Variants in PDE4D observed in about 807,000 individuals in gnomAD.
PDE4D encodes the protein phosphodiesterase 4D.
PDE4D carries 24 observed loss-of-function variants against 87.4 expected under a neutral mutation model. That is an observed-to-expected ratio of 0.27 (90% confidence interval 0.20 to 0.39). The LOEUF is 0.39. Among genes scored for constraint, PDE4D ranks in the 10% least tolerant of loss-of-function variants. The probability of loss-of-function intolerance (pLI) is 1.00; values close to 1 mark genes in which losing one functional copy is unlikely to be tolerated. For missense variants in PDE4D, 714 were observed against 1,041.0 expected (o/e 0.69, Z 4.32); for synonymous variants, 384 against 383.2 (o/e 1.00, Z -0.02).
At chr5:60,443,288 T>C (rs1745386004) in intron 1 of PDE4D, among the ~76,000 whole-genome samples, 1 of 149,936 alleles carries the variant, frequency 6.7e-6, no homozygotes, top group South Asian at 2.1e-4. Flanking sequence ...TCAAGAAGTT[T>C]GGAGGTAAAA....
intron 1 of PDE4D, among the ~76,000 whole-genome samples, chr5:59,339,945 T>G (rs1354426071): frequency 3.9e-5 from 6 of 152,010 alleles, no homozygotes; most frequent in Admixed American, 3.9e-4. Flanking sequence ...TGTTTTGTTT[T>G]GTTTAAAAAA....
chr5:60,011,898 G>A (rs182192914), intron 2 of PDE4D, among the ~76,000 whole-genome samples: 30 of 152,216 alleles, frequency 2.0e-4, no homozygotes, highest in Admixed American at 9.8e-4. Flanking sequence ...CAAAGGAACC[G>A]GGTAGTGGAG....
intron 5 of PDE4D, among the ~76,000 whole-genome samples, chr5:59,145,207 C>T (rs1778456954): frequency 6.6e-6 from 1 of 152,150 alleles, no homozygotes; most frequent in Non-Finnish European, 1.5e-5. Flanking sequence ...CACTATCCCA[C>T]ATGACAGTAA....
intron 1 of PDE4D, among the ~76,000 whole-genome samples, chr5:59,360,703 T>A (rs1257024815): frequency 6.6e-6 from 1 of 152,202 alleles, no homozygotes; most frequent in Non-Finnish European, 1.5e-5. Flanking sequence ...AAATATTCAT[T>A]CTAAACCTTA....
At chr5:60,037,315 C>T (rs1036796176) in intron 2 of PDE4D, among the ~76,000 whole-genome samples, 1 of 152,048 alleles carries the variant, frequency 6.6e-6, no homozygotes, top group African/African-American at 2.4e-5. Context: ...TTGAACATAA[C>T]ATTTCAATGG....
intron 1 of PDE4D, among the ~76,000 whole-genome samples, chr5:60,473,548 C>G (rs908208772): frequency 6.6e-6 from 1 of 152,138 alleles, no homozygotes; most frequent in Non-Finnish European, 1.5e-5. Context: ...TATCCTAAAA[C>G]TTTTTGACAA....
intron 3 of PDE4D, among the ~76,000 whole-genome samples, chr5:59,957,043 G>A (rs1020704252): frequency 2.0e-5 from 3 of 152,142 alleles, no homozygotes; most frequent in Non-Finnish European, 4.4e-5. Context: ...AATTCTTTGT[G>A]TTTTGATGTG....
chr5:60,214,361 C>A (rs773501806), intron 1 of PDE4D, among the ~76,000 whole-genome samples: 1 of 152,178 alleles, frequency 6.6e-6, no homozygotes, highest in Non-Finnish European at 1.5e-5. Context: ...GACAATCTTT[C>A]TCTTGTGTTA....
intron 1 of PDE4D, among the ~76,000 whole-genome samples, chr5:59,263,414 T>C (rs1026136490): frequency 5.3e-5 from 8 of 152,042 alleles, no homozygotes; most frequent in Middle Eastern, 3.4e-3. Context: ...TTAATTCTAA[T>C]TGGGGAAGTC....
At chr5:59,345,395 T>A (rs188904746) in intron 1 of PDE4D, among the ~76,000 whole-genome samples, 273 of 152,292 alleles carry the variant, frequency 1.8e-3, no homozygotes, top group Admixed American at 3.5e-3. Flanking sequence ...TAACAATGAT[T>A]ACTATTGGTT....
At chr5:59,018,465 A>T (rs534947328) in intron 6 of PDE4D, among the ~76,000 whole-genome samples, 2 of 152,320 alleles carry the variant, frequency 1.3e-5, no homozygotes, top group Admixed American at 6.5e-5. Context: ...AAATTCCTTA[A>T]ACTTAATTTG....
chr5:60,417,290 T>C (rs1336245671), intron 1 of PDE4D, among the ~76,000 whole-genome samples: 1 of 152,198 alleles, frequency 6.6e-6, no homozygotes, highest in Non-Finnish European at 1.5e-5. Context: ...TTAGTGTACC[T>C]CACCCAAGAT....
intron 2 of PDE4D, among the ~76,000 whole-genome samples, chr5:60,111,712 C>T (rs533079132): frequency 2.4e-4 from 36 of 151,872 alleles, no homozygotes; most frequent in African/African-American, 8.7e-4. Flanking sequence ...TATTCAGTCA[C>T]ACAGGAATGT....
intron 6 of PDE4D, among the ~76,000 whole-genome samples, chr5:59,022,668 C>T (rs1755415229): frequency 6.6e-6 from 1 of 152,142 alleles, no homozygotes; most frequent in Non-Finnish European, 1.5e-5. Flanking sequence ...TATTATCCTT[C>T]TGTGCACATG....
At chr5:60,322,748 T>A (rs773000281) in intron 1 of PDE4D, among the ~76,000 whole-genome samples, 2 of 152,170 alleles carry the variant, frequency 1.3e-5, no homozygotes, top group African/African-American at 2.4e-5. Flanking sequence ...CTTCCCCAAA[T>A]CCTACATGTC....
chr5:59,186,604 C>T (rs563415065), intron 3 of PDE4D, among the ~76,000 whole-genome samples: 26 of 152,220 alleles, frequency 1.7e-4, no homozygotes, highest in African/African-American at 6.3e-4. Context: ...ACAAAAATGT[C>T]CCAGACTCTG....
intron 1 of PDE4D, among the ~76,000 whole-genome samples, chr5:59,300,487 C>T (rs1393484881): frequency 1.3e-5 from 2 of 152,076 alleles, no homozygotes. Context: ...CTGTTTTGAA[C>T]AAGGTTTGAC....
chr5:59,625,850 GC>G (rs1830835875), intron 1 of PDE4D, among the ~76,000 whole-genome samples: 3 of 152,220 alleles, frequency 2.0e-5, no homozygotes. Context: ...GGAGGCTGAG[GC>G]GGGCGGATCA....
intron 1 of PDE4D, among the ~76,000 whole-genome samples, chr5:59,568,713 A>G (rs1412026946): frequency 6.6e-6 from 1 of 152,092 alleles, no homozygotes; most frequent in East Asian, 1.9e-4. Context: ...TCTACAAAAT[A>G]CCTAATCAGT....
Sources: gnomAD v4.1 joint callset for allele counts (sites outside exome capture counted in the v4.1 genomes callset) on GRCh38, gnomAD v4.1.1 for gene constraint, MANE v1.5 for transcripts, NCBI Gene and HGNC (gene_info 2026-07-23, HGNC 2026-07-21) for gene names.